GOLM2: variants seen among roughly 807,000 people sequenced by gnomAD.
The protein encoded by GOLM2 is golgi membrane protein 2, also known as protein GOLM2.
A neutral mutation model predicts 55.9 loss-of-function variants in GOLM2; 26 were observed. The observed-to-expected ratio is 0.47, with a 90% CI of 0.34 to 0.65. GOLM2 has a LOEUF of 0.65. Ranked by LOEUF, GOLM2 falls within the 30% of genes least tolerant of loss-of-function variation. The pLI, the probability that GOLM2 is intolerant of heterozygous loss-of-function variation, is 0.01. For synonymous variants in GOLM2, 165 were observed against 194.6 expected, an observed-to-expected ratio of 0.85 and a Z score of 1.27; for missense variants, 486 against 531.8, an observed-to-expected ratio of 0.91 and a Z score of 0.85.
intron 6 of GOLM2, among the ~76,000 whole-genome samples, chr15:44,377,388 A>G (rs1385700584): frequency 6.6e-6 from 1 of 151,940 alleles, no homozygotes; most frequent in Non-Finnish European, 1.5e-5. Flanking sequence ...TAAAAAATAA[A>G]AATAATCCTT....
chr15:44,366,349 T>TA (rs1385913979), intron 6 of GOLM2, among the ~76,000 whole-genome samples: 1 of 150,994 alleles, frequency 6.6e-6, no homozygotes, highest in Non-Finnish European at 1.5e-5. Context: ...CTCTAAGTCT[T>TA]AAAAAACAAT....
At chr15:44,390,088 A>T (rs2079477323) in intron 8 of GOLM2, 1 of 152,228 alleles carries the variant, frequency 6.6e-6, no homozygotes, top group Non-Finnish European at 1.5e-5. Flanking sequence ...TTGTAAATTT[A>T]ATTTTGTATT....
chr15:44,325,140 C>G (rs1349433037), intron 2 of GOLM2, among the ~76,000 whole-genome samples: 3 of 152,064 alleles, frequency 2.0e-5, no homozygotes, highest in Non-Finnish European at 4.4e-5. Context: ...GGTATTAAGC[C>G]TAGTATCCAT....
At chr15:44,374,233 T>C (rs946559299) in intron 6 of GOLM2, among the ~76,000 whole-genome samples, 3 of 152,368 alleles carry the variant, frequency 2.0e-5, no homozygotes, top group Admixed American at 6.5e-5. Context: ...TTTGGTGGCC[T>C]GTATTTTCTC....
chr15:44,402,397 T>G (rs79719478), intron 8 of GOLM2, among the ~76,000 whole-genome samples: 12,222 of 151,630 alleles, frequency 0.081, 964 homozygotes, highest in East Asian at 0.2. Flanking sequence ...TTACCATGTT[T>G]CCCAGGCTGG....
intron 8 of GOLM2, among the ~76,000 whole-genome samples, chr15:44,388,918 C>T (rs1260673623): frequency 6.6e-6 from 1 of 152,030 alleles, no homozygotes; most frequent in Non-Finnish European, 1.5e-5. Flanking sequence ...CGGGTTCACG[C>T]CATTCTCCTG....
intron 6 of GOLM2, among the ~76,000 whole-genome samples, chr15:44,369,539 C>T (rs1230246297): frequency 6.6e-6 from 1 of 151,806 alleles, no homozygotes; most frequent in African/African-American, 2.4e-5. Context: ...TAAAACAGTT[C>T]TTGGCAGGGC....
intron 6 of GOLM2, among the ~76,000 whole-genome samples, chr15:44,373,341 C>T (rs962419808): frequency 7.9e-5 from 12 of 151,628 alleles, no homozygotes; most frequent in African/African-American, 2.9e-4. Context: ...CCTGTAGTCC[C>T]AGCTACTCGG....
chr15:44,363,290 C>T (rs1326311353), intron 6 of GOLM2, among the ~76,000 whole-genome samples: 1 of 152,122 alleles, frequency 6.6e-6, no homozygotes, highest in African/African-American at 2.4e-5. Context: ...TTGCAACCTG[C>T]TCATCTGACA....
chr15:44,289,171 G>T lies in GOLM2; in HGVS notation c.142G>T (p.Glu48Ter). ...RHVLLQEEVA[E>*]LQGQVQRTEV... ...CGTCCTGCTTCAGGAGGAGGTGGCC[G>T]AGCTGCAGGGCCAGGTCCAGCGCAC... The change falls in exon 1 of 10, where the codon GAG (glutamate) becomes TAG (stop). Residue 48 changes from glutamate to a stop codon, truncating the protein, a stop_gained. Transcript: ENST00000299957. LOFTEE classifies it high-confidence loss of function. The surrounding 1 kb of genome is among the most constrained non-coding windows in gnomAD (Gnocchi z 4.8). The T allele has an allele frequency of 6.2e-7, 1 of 1,614,160 alleles. No individual in the cohort carries two copies. Among genetic ancestry groups the T allele is most frequent in the South Asian group, 1.1e-5 (1 of 91,086 alleles).
intron 6 of GOLM2, among the ~76,000 whole-genome samples, chr15:44,343,943 G>T (rs1366469942): frequency 1.3e-5 from 2 of 151,882 alleles, no homozygotes; most frequent in African/African-American, 4.8e-5. Context: ...AGAGCAATGG[G>T]AAACTATCTT....
chr15:44,377,429 G>T (rs372256832), intron 6 of GOLM2, among the ~76,000 whole-genome samples: 3 of 152,146 alleles, frequency 2.0e-5, no homozygotes, highest in African/African-American at 7.2e-5. Context: ...GGAGTGCAGT[G>T]CCGCGGCCTT....
At chr15:44,300,302 T>G (rs1342789064) in intron 1 of GOLM2, among the ~76,000 whole-genome samples, 2 of 152,094 alleles carry the variant, frequency 1.3e-5, no homozygotes, top group South Asian at 4.2e-4. Context: ...ATTATTCTAT[T>G]GAAACCCAAG....
intron 7 of GOLM2, among the ~76,000 whole-genome samples, chr15:44,380,308 C>A (rs2079393116): frequency 6.6e-6 from 1 of 151,884 alleles, no homozygotes; most frequent in Non-Finnish European, 1.5e-5. Flanking sequence ...AAATTAAAGT[C>A]ATTGATGAGG....
chr15:44,343,814 ACT>A (rs949711501), intron 6 of GOLM2, among the ~76,000 whole-genome samples: 18 of 147,060 alleles, frequency 1.2e-4, no homozygotes, highest in African/African-American at 4.5e-4. Flanking sequence ...ACAGAGTGAG[ACT>A]CTGTCTCAAA....
intron 6 of GOLM2, among the ~76,000 whole-genome samples, chr15:44,363,528 A>T (rs894254204): frequency 6.6e-6 from 1 of 152,242 alleles, no homozygotes; most frequent in Non-Finnish European, 1.5e-5. Context: ...GGCAGTCATT[A>T]AGAAGTCAGG....
At chr15:44,346,817 A>G (rs1423878742) in intron 6 of GOLM2, among the ~76,000 whole-genome samples, 1 of 152,204 alleles carries the variant, frequency 6.6e-6, no homozygotes, top group Admixed American at 6.5e-5. Context: ...TACCTATTCA[A>G]AAAAATCATT....
At chr15:44,376,953 G>T (rs2079368909) in intron 6 of GOLM2, among the ~76,000 whole-genome samples, 1 of 152,088 alleles carries the variant, frequency 6.6e-6, no homozygotes, top group African/African-American at 2.4e-5. Flanking sequence ...ACAAAAAAAG[G>T]AAAGTAAACA....
At chr15:44,344,837 GC>G (rs1449590798) in intron 6 of GOLM2, among the ~76,000 whole-genome samples, 1 of 150,252 alleles carries the variant, frequency 6.7e-6, no homozygotes, top group Non-Finnish European at 1.5e-5. Context: ...GAGTGCAGTG[GC>G]GCAATCTTGG....
Sources: allele counts gnomAD v4.1 joint callset (sites outside exome capture counted in the v4.1 genomes callset), GRCh38; gene constraint gnomAD v4.1.1; non-coding constraint Gnocchi (gnomAD v3.1); transcripts MANE v1.5; gene names NCBI Gene and HGNC (gene_info 2026-07-23, HGNC 2026-07-21).